RPS6KA2: variants seen among roughly 807,000 people sequenced by gnomAD.
RPS6KA2 encodes the protein ribosomal protein S6 kinase A2.
Under a neutral mutation model 91.8 loss-of-function variants are expected in RPS6KA2, and 42 were observed. The ratio of observed to expected loss-of-function variants is 0.46; its 90% CI spans 0.36 to 0.59. The LOEUF is 0.59. Ranked by LOEUF, RPS6KA2 falls within the 20% of genes least tolerant of loss-of-function variation. The pLI, the probability that RPS6KA2 is intolerant of heterozygous loss-of-function variation, is 0.00. For missense variants in RPS6KA2, 798 were observed against 978.5 expected, an observed-to-expected ratio of 0.82 and a Z score of 2.46; for synonymous variants, 414 against 393.6, an observed-to-expected ratio of 1.05 and a Z score of -0.61.
At chr6:166,774,842 G>A (rs1778570902) in intron 2 of RPS6KA2, among the ~76,000 whole-genome samples, 2 of 149,560 alleles carry the variant, frequency 1.3e-5, no homozygotes, top group South Asian at 2.1e-4. Context: ...CTTTGAGAAC[G>A]CTGGCATGTG....
At chr6:166,553,540 C>T (rs1371667737) in intron 1 of RPS6KA2, among the ~76,000 whole-genome samples, 2 of 149,834 alleles carry the variant, frequency 1.3e-5, no homozygotes, top group Non-Finnish European at 3.0e-5. Flanking sequence ...GGCACCCACT[C>T]GTGGTGTTCC....
At position 166,523,058 on chromosome 6, in the gene RPS6KA2, T is replaced by C. The variant is rs1007294097; in HGVS notation, c.298+8174A>G. ...CAGAGGTATTAAAGATGACAAGTAA[T>C]GAAAAAAATCTATTTCCTCCTTTTT... is the stretch of plus-strand genomic sequence containing the variant. On this transcript the variant is annotated intron_variant, in intron 3 of 20. Transcript: ENST00000265678. 2.0e-5 allele frequency among the ~76,000 whole-genome samples: 3 copies of C among 152,170 alleles called. 1 individual carries two copies. The South Asian group carries it at 6.2e-4, about 32-fold the overall frequency.
intron 13 of RPS6KA2, 59 bp downstream of exon 13, chr6:166,451,043 GA>G: frequency 6.2e-7 from 1 of 1,603,962 alleles, no homozygotes; most frequent in Admixed American, 1.7e-5. Flanking sequence ...GGGAACACCA[GA>G]GTCACCCATC....
In RPS6KA2 at chr6:166,662,852, T is replaced by C. The variant is rs1788199685; in HGVS notation, c.124-124068A>G. Among the ~76,000 whole-genome samples the C allele has an allele frequency of 6.6e-6, 1 of 152,146 alleles. No homozygotes were observed. Among genetic ancestry groups the C allele is most frequent in the South Asian group, 2.1e-4 (1 of 4,820 alleles). ...TTAAATGAGGCCTCGGAGTGGGTGC[T>C]TATCCGCTCTGACTGCTGTCCTTAG... On this transcript the variant is annotated intron_variant, in intron 2 of 21. Coordinates refer to the RPS6KA2 transcript ENST00000503859. This position sits in a 1 kb window ranked among gnomAD's most constrained non-coding sequence, Gnocchi z 4.3.
intron 2 of RPS6KA2, 21 bp from the exon 3 acceptor site, chr6:166,531,334 C>T (rs1486937954): frequency 6.3e-7 from 1 of 1,585,644 alleles, no homozygotes; most frequent in Non-Finnish European, 8.7e-7. Context: ...GAAAACGGAA[C>T]ATCAGAAACC....
Position 166,805,629 on chromosome 6 carries a change from T to A in RPS6KA2, c.123+52571A>T, listed in dbSNP as rs541390811. ...TGACACAGAGACAGCCTACAACAAT[T>A]TTTTAAATGTTAGCAAATCCTGAGG... On this transcript the variant is annotated intron_variant, in intron 2 of 21. Coordinates refer to the RPS6KA2 transcript ENST00000503859. Among the ~76,000 whole-genome samples the A allele has an allele frequency of 2.0e-5, 3 of 152,308 alleles. No homozygotes were observed. In the South Asian group the frequency reaches 6.2e-4, roughly 32 times the overall value.
chr6:166,550,939 T>G (rs1783998767), intron 1 of RPS6KA2, among the ~76,000 whole-genome samples: 1 of 138,652 alleles, frequency 7.2e-6, no homozygotes, highest in Admixed American at 8.2e-5. Flanking sequence ...AGGCGGAGGT[T>G]GCAGTGAGCC....
rs1258931851 is a variant in RPS6KA2, at chr6:166,626,041, G to A, written c.99+880C>T. On this transcript the variant is annotated intron_variant, in intron 1 of 20. Coordinates refer to ENST00000265678, the MANE Select transcript of RPS6KA2 (RefSeq NM_021135.6). The surrounding 1 kb of genome is among the most constrained non-coding windows in gnomAD (Gnocchi z 4.1). ...AAAACCCCACAGGTGCCAGCCTTGA[G>A]GCAAAGGCGGGACAGTGTCAGGCGA... Among the ~76,000 whole-genome samples the A allele has an allele frequency of 6.6e-6, 1 of 152,206 alleles. No homozygotes were observed. Among genetic ancestry groups the A allele is most frequent in the Admixed American group, 6.5e-5 (1 of 15,292 alleles).
At chr6:166,799,676 A>G (rs1779314249) in intron 2 of RPS6KA2, among the ~76,000 whole-genome samples, 1 of 152,112 alleles carries the variant, frequency 6.6e-6, no homozygotes, top group African/African-American at 2.4e-5. Context: ...GAGTTGTGCG[A>G]GAGTTTTATT....
At chr6:166,802,033 G>A (rs879317072) in intron 2 of RPS6KA2, among the ~76,000 whole-genome samples, 74 of 152,070 alleles carry the variant, frequency 4.9e-4, no homozygotes, top group Non-Finnish European at 6.0e-4. Flanking sequence ...TGAGGCAGGC[G>A]GATCATGAGG....
intron 1 of RPS6KA2, among the ~76,000 whole-genome samples, chr6:166,551,120 G>A (rs183522638): frequency 1.1e-4 from 16 of 152,002 alleles, no homozygotes; most frequent in Non-Finnish European, 2.2e-4. Context: ...AAATATGAAG[G>A]GTTCAATTTT....
At chr6:166,585,630 C>CAAAA (rs757455295) in intron 1 of RPS6KA2, among the ~76,000 whole-genome samples, 1 of 32,000 alleles carries the variant, frequency 3.1e-5, no homozygotes, top group Non-Finnish European at 4.9e-5. Flanking sequence ...TTAACAAATG[C>CAAAA]AAAAAAAAAA....
rs545783219 is a variant in RPS6KA2, at chr6:166,587,083, C to T, written c.99+39838G>A. Among the ~76,000 whole-genome samples, 300 of 152,346 alleles carry T rather than the reference C, an allele frequency of 2.0e-3. 1 individual carries two copies. The highest frequency in any genetic ancestry group is 3.2e-3 in the Non-Finnish European group (218 of 68,042). ...GAGCTACAAAGAAGAAGCCTGGGTCCCCCAAATCCCCATGTGGAAGCAAAG... is the reference window on the plus strand; with the variant it reads ...GAGCTACAAAGAAGAAGCCTGGGTCTCCCAAATCCCCATGTGGAAGCAAAG... On this transcript the variant is annotated intron_variant, in intron 1 of 20. Transcript: ENST00000265678.
At chr6:166,631,545 T>C (rs1787076532), upstream of RPS6KA2, among the ~76,000 whole-genome samples, 1 of 152,256 alleles carries the variant, frequency 6.6e-6, no homozygotes, top group South Asian at 2.1e-4. Flanking sequence ...ACTATGTTCC[T>C]TCATACCACT....
chr6:166,568,818 G>C (rs1784588355), intron 1 of RPS6KA2, among the ~76,000 whole-genome samples: 2 of 152,124 alleles, frequency 1.3e-5, no homozygotes, highest in South Asian at 4.1e-4. Flanking sequence ...AATGTATGTG[G>C]CATAATTACT....
chr6:166,788,360 C>A (rs1778986053), intron 2 of RPS6KA2, among the ~76,000 whole-genome samples: 1 of 152,206 alleles, frequency 6.6e-6, no homozygotes, highest in African/African-American at 2.4e-5. Flanking sequence ...GATTATAAAT[C>A]ATTTTACTAT....
chr6:166,795,846 G>T (rs9457218), intron 2 of RPS6KA2, among the ~76,000 whole-genome samples: 48,455 of 152,028 alleles, frequency 0.32, 8,059 homozygotes, highest in African/African-American at 0.37. Context: ...GAGCAGAAAG[G>T]TGTCCCTGGC....
At chr6:166,520,752 T>C (rs1219858721) in intron 3 of RPS6KA2, among the ~76,000 whole-genome samples, 1 of 152,198 alleles carries the variant, frequency 6.6e-6, no homozygotes, top group African/African-American at 2.4e-5. Flanking sequence ...AGGAGAGCTG[T>C]AGAGAAGGCC....
chr6:166,534,295 C>T (rs1170577566), intron 2 of RPS6KA2, among the ~76,000 whole-genome samples: 3 of 151,356 alleles, frequency 2.0e-5, no homozygotes, highest in Non-Finnish European at 4.4e-5. Flanking sequence ...TGGTGCGTGC[C>T]TGTAGGCCCA....
Sources: gnomAD v4.1 joint callset for allele counts (sites outside exome capture counted in the v4.1 genomes callset) on GRCh38, gnomAD v4.1.1 for gene constraint, Gnocchi (gnomAD v3.1) non-coding constraint, MANE v1.5 for transcripts, NCBI Gene and HGNC (gene_info 2026-07-23, HGNC 2026-07-21) for gene names.